ITGAE: variants seen among roughly 807,000 people sequenced by gnomAD.
The protein encoded by ITGAE is integrin alpha-E.
In ITGAE, 99 loss-of-function variants were observed where a neutral mutation model predicts 136.5. The observed-to-expected ratio is 0.73, with a 90% CI of 0.62 to 0.86. The LOEUF (loss-of-function observed/expected upper bound fraction) is 0.86. ITGAE is among the 40% of genes least tolerant of loss of function. ITGAE has a pLI of 0.00. For synonymous variants in ITGAE, 613 were observed against 591.8 expected (o/e 1.04, Z -0.52); for missense variants, 1,447 against 1,515.3 (o/e 0.95, Z 0.75).
intron 3 of ITGAE, among the ~76,000 whole-genome samples, chr17:3,762,801 C>T (rs887479423): frequency 2.6e-5 from 4 of 151,708 alleles, no homozygotes; most frequent in African/African-American, 4.8e-5. Flanking sequence ...GGGATTTCAC[C>T]GTGTTAGCTA....
chr17:3,777,290 C>A (rs1446039527), intron 2 of ITGAE, among the ~76,000 whole-genome samples: 1 of 152,218 alleles, frequency 6.6e-6, no homozygotes. Flanking sequence ...CCACCCTCCC[C>A]CTGGGCAATG....
At chr17:3,783,623 C>A (rs540563085) in intron 1 of ITGAE, among the ~76,000 whole-genome samples, 1 of 152,260 alleles carries the variant, frequency 6.6e-6, no homozygotes, top group South Asian at 2.1e-4. Context: ...CTTTGGTTGG[C>A]TGGAATGCAT....
chr17:3,775,417 C>T (rs1045296909), intron 2 of ITGAE, among the ~76,000 whole-genome samples: 2 of 152,112 alleles, frequency 1.3e-5, no homozygotes, highest in Non-Finnish European at 2.9e-5. Context: ...GGAATATTGC[C>T]AGTCTTTCAT....
chr17:3,786,162 A>G (rs1427088008), intron 1 of ITGAE, among the ~76,000 whole-genome samples: 4 of 140,356 alleles, frequency 2.8e-5, no homozygotes, highest in East Asian at 2.1e-4. Flanking sequence ...GAGAGACTCC[A>G]TCTCAAAAAA....
At chr17:3,756,400 ATTTTTTT>A (rs34579296) in intron 10 of ITGAE, among the ~76,000 whole-genome samples, 2 of 119,384 alleles carry the variant, frequency 1.7e-5, no homozygotes, top group African/African-American at 6.4e-5. Flanking sequence ...CGCCTGGCTA[ATTTTTTT>A]TTTTTTTTTT....
At chr17:3,726,734 T>TTTA in intron 26 of ITGAE, 1 of 154,864 alleles carries the variant, frequency 6.5e-6, no homozygotes, top group East Asian at 1.9e-4. Context: ...TTTTTTTTTT[T>TTTA]AATTTTATTG....
chr17:3,761,343 C>A lies in ITGAE; in HGVS notation c.433+60G>T, dbSNP rs2052162931. 3.8e-5 allele frequency: 59 copies of A among 1,551,366 alleles called. 1 individual carries two copies. In the South Asian group the frequency reaches 7.2e-4, roughly 19 times the overall value. ...CATCTGCCGTGAGCTGGTGCCTTTTCTTGGAGACCAAGGAGATCTCTTTAG... is the reference window on the plus strand; with the variant it reads ...CATCTGCCGTGAGCTGGTGCCTTTTATTGGAGACCAAGGAGATCTCTTTAG... On this transcript the variant is annotated intron_variant, in intron 5 of 30. Transcript: ENST00000263087.
chr17:3,732,000 C>T (rs975537314), intron 22 of ITGAE, among the ~76,000 whole-genome samples: 42 of 152,140 alleles, frequency 2.8e-4, no homozygotes, highest in Non-Finnish European at 1.0e-4. Flanking sequence ...CACTTGAACC[C>T]GGGAGGCGGA....
rs369774751 is a variant in ITGAE, at chr17:3,755,142, C to T, written c.1359G>A (p.Ala453=). 1,227 of 1,463,978 alleles carry T rather than the reference C, an allele frequency of 8.4e-4. 12 individuals carry two copies. The African/African-American group carries it at 0.016, about 19-fold the overall frequency. The allele number at this position is 1,463,978 out of a possible 1,614,324, so 90.7% of individuals were successfully genotyped here. Residue 453 remains alanine (A), a synonymous_variant, in exon 12 of 31, where the codon GCG becomes GCA. Transcript: ENST00000263087. ...CCAGGTAGCTGTACTGCGCAGCCTC[C>T]GCGTCTGCCGCCGCCGCCGCTGTCT... ...LNQTAAAAAD[A]EAAQYSYLGY...
In ITGAE at chr17:3,775,112, G is replaced by A. The variant is rs944350836; in HGVS notation, c.155+2428C>T. Among the ~76,000 whole-genome samples, 5 of 151,914 alleles carry A rather than the reference G, an allele frequency of 3.3e-5. No individual in the cohort carries two copies. The East Asian group carries it at 5.8e-4, about 18-fold the overall frequency. On this transcript the variant is annotated intron_variant, in intron 2 of 30. Coordinates refer to ENST00000263087, the MANE Select transcript of ITGAE (RefSeq NM_002208.5). ...ACTACAGGCTTAAACCACCATATCC[G>A]GCTGATTTTTTTATATTTTTTGTAG...
intron 18 of ITGAE, 61 bp from the exon 19 acceptor site, chr17:3,743,678 T>C (rs1395103356): frequency 7.9e-7 from 1 of 1,262,236 alleles, no homozygotes; most frequent in Non-Finnish European, 1.1e-6. Flanking sequence ...ATGACAACAA[T>C]AATGCTTTTT....
chr17:3,756,937 G>A, intron 10 of ITGAE, 47 bp downstream of exon 10: 1 of 1,580,330 alleles, frequency 6.3e-7, no homozygotes, highest in South Asian at 1.2e-5. Flanking sequence ...CCGGGCTGGA[G>A]CATAGGCTCG....
intron 12 of ITGAE, 87 bp downstream of exon 12, chr17:3,755,030 G>T: frequency 9.4e-7 from 1 of 1,062,564 alleles, no homozygotes; most frequent in Non-Finnish European, 1.2e-6. Context: ...CGCCCACGTA[G>T]CCCTCAGGCC....
At chr17:3,739,909 C>T (rs746151447) in intron 19 of ITGAE, 31 bp from the exon 20 acceptor site, 3 of 1,575,968 alleles carry the variant, frequency 1.9e-6, no homozygotes, top group Non-Finnish European at 2.6e-6. Flanking sequence ...CCGATCAGCC[C>T]AGGCTCCGCC....
In ITGAE at chr17:3,751,639, C is replaced by A. The variant is rs1597331840; in HGVS notation, c.1893+11G>T. The stretch of plus-strand genomic sequence containing the variant: ...CCCAGAGGAGAGGAAGGAGAGGGCC[C>A]CATGGGTCACCTGCGAGGGGCTGGC... On this transcript the variant is annotated intron_variant, in intron 15 of 30. Coordinates refer to ENST00000263087, the MANE Select transcript of ITGAE (RefSeq NM_002208.5). 6.2e-7 allele frequency: 1 copy of A among 1,611,980 alleles called. No individual in the cohort carries two copies. Among genetic ancestry groups the A allele is most frequent in the East Asian group, 2.2e-5 (1 of 44,846 alleles).
In ITGAE at chr17:3,723,348, G is replaced by A; in HGVS notation, c.3177C>T (p.Ile1059=). 1 of 1,613,862 alleles carries A rather than the reference G, an allele frequency of 6.2e-7. No individual in the cohort carries two copies. The highest frequency in any genetic ancestry group is 2.2e-5 in the East Asian group (1 of 44,888). The change falls in exon 28 of 31, where the codon ATC becomes ATT. Residue 1059 remains isoleucine (I), a synonymous_variant. Transcript: ENST00000263087. Reference sequence around the variant, plus strand: ...CGGTGACATTTTCTTTATCTGAAGCGATGACACAGCTCACTGAATGCCATT... The same window carrying A: ...CGGTGACATTTTCTTTATCTGAAGCAATGACACAGCTCACTGAATGCCATT... ...VEEWHSVSCV[I]ASDKENVTVA...
chr17:3,741,674 A>G (rs2051591968), intron 19 of ITGAE, among the ~76,000 whole-genome samples: 1 of 152,222 alleles, frequency 6.6e-6, no homozygotes, highest in Non-Finnish European at 1.5e-5. Flanking sequence ...AGACGTGCTT[A>G]TTAATGACAC....
chr17:3,770,495 G>A (rs968259297), intron 2 of ITGAE, among the ~76,000 whole-genome samples: 3 of 152,094 alleles, frequency 2.0e-5, no homozygotes, highest in Non-Finnish European at 2.9e-5. Flanking sequence ...CAAAACCCAT[G>A]ATGCTGCCAG....
intron 1 of ITGAE, among the ~76,000 whole-genome samples, chr17:3,797,157 ATTTT>A (rs56101818): frequency 0.097 from 9,138 of 94,420 alleles, 546 homozygotes; most frequent in Admixed American, 0.18. Context: ...ATATATATAT[ATTTT>A]TTTTTTTTTT....
Sources: allele counts gnomAD v4.1 joint callset (sites outside exome capture counted in the v4.1 genomes callset), GRCh38; gene constraint gnomAD v4.1.1; transcripts MANE v1.5; gene names NCBI Gene and HGNC (gene_info 2026-07-23, HGNC 2026-07-21).